POMGNT2: variants seen among roughly 807,000 people sequenced by gnomAD.
POMGNT2 encodes the protein protein O-linked-mannose beta-1,4-N-acetylglucosaminyltransferase 2.
Under a neutral mutation model 37.8 loss-of-function variants are expected in POMGNT2, and 32 were observed. That is an observed-to-expected ratio of 0.85 (90% CI 0.64 to 1.14). The LOEUF (loss-of-function observed/expected upper bound fraction) is 1.14. POMGNT2 is among the 50% of genes most tolerant of loss of function. The pLI, the probability that POMGNT2 is intolerant of heterozygous loss-of-function variation, is 0.00. For missense variants in POMGNT2, 705 were observed against 780.6 expected, an observed-to-expected ratio of 0.90 and a Z score of 1.15; for synonymous variants, 340 against 336.8, an observed-to-expected ratio of 1.01 and a Z score of -0.10.
At chr3:43,088,387 A>T (rs1187847994) in intron 1 of POMGNT2, among the ~76,000 whole-genome samples, 2 of 152,168 alleles carry the variant, frequency 1.3e-5, no homozygotes, top group Non-Finnish European at 2.9e-5. Context: ...TCAGTCGCCA[A>T]CCCTCTGCTT....
intron 1 of POMGNT2, among the ~76,000 whole-genome samples, chr3:43,097,253 T>G (rs1013933315): frequency 6.6e-6 from 1 of 152,118 alleles, no homozygotes; most frequent in African/African-American, 2.4e-5. Context: ...AAGCTGAGGG[T>G]GGGCTGTGTG....
rs2090056222 is a variant in POMGNT2, at chr3:43,105,911, C to T, written c.-181G>A. 1 of 151,984 alleles carries T rather than the reference C, an allele frequency of 6.6e-6. No individual in the cohort carries two copies. The highest frequency in any genetic ancestry group is 2.4e-5 in the African/African-American group (1 of 41,402). 9.4% of individuals were successfully genotyped at this position (151,984 alleles called of 1,614,324 possible). On this transcript the variant is annotated 5_prime_UTR_variant, in exon 1 of 2. Coordinates refer to ENST00000344697, the MANE Select transcript of POMGNT2 (RefSeq NM_032806.6). Reference sequence around the variant, plus strand: ...AGGCCCCACGGCGGCGCCGCTTTCCCACCCCGCCGCCGCCCCCAGCGCCAG... The same window carrying T: ...AGGCCCCACGGCGGCGCCGCTTTCCTACCCCGCCGCCGCCCCCAGCGCCAG...
In POMGNT2 at chr3:43,082,548, T is replaced by G. The variant is rs536845787; in HGVS notation, c.-105-1012A>C. ...GAGAGGCCTGGCTAGGGGTAAGCAT[T>G]TACTCCCTCTTCTTGCGATATTGTG... On this transcript the variant is annotated intron_variant, in intron 1 of 1. Transcript: ENST00000344697. Among the ~76,000 whole-genome samples, 5 of 152,266 alleles carry G rather than the reference T, an allele frequency of 3.3e-5. No individual in the cohort carries two copies. The South Asian group carries it at 1.0e-3, about 32-fold the overall frequency.
chr3:43,091,901 T>C (rs2089946611), intron 1 of POMGNT2, among the ~76,000 whole-genome samples: 1 of 152,190 alleles, frequency 6.6e-6, no homozygotes, highest in Non-Finnish European at 1.5e-5. Context: ...ATAGAGAAAA[T>C]CTTAAACCCA....
At position 43,081,115 on chromosome 3, in the gene POMGNT2, T is replaced by C. The variant is rs1272257942; in HGVS notation, c.317A>G (p.Asn106Ser). ...TGGCTGGAAGCGCCGGGAGCCCAGG[T>C]TGGGCAGCATGACAGAGGTGTTGCC... is the stretch of plus-strand genomic sequence containing the variant. Reference protein sequence around the residue: ...FHGNTSVMLPNLGSRRFQPAL... With the variant: ...FHGNTSVMLPSLGSRRFQPAL... The change falls in exon 2 of 2, where the codon AAC becomes AGC. Residue 106 changes from asparagine (N) to serine (S), a missense_variant. Asn to Ser is a conservative substitution (Grantham distance 46). Transcript: ENST00000344697. 4 of 1,614,056 alleles carry C rather than the reference T, an allele frequency of 2.5e-6. No homozygotes were observed. Among genetic ancestry groups the C allele is most frequent in the Non-Finnish European group, 2.5e-6 (3 of 1,180,036 alleles).
At chr3:43,089,453 G>A (rs1166171510) in intron 1 of POMGNT2, among the ~76,000 whole-genome samples, 1 of 152,206 alleles carries the variant, frequency 6.6e-6, no homozygotes, top group Non-Finnish European at 1.5e-5. Flanking sequence ...ATCAGCTGAG[G>A]GTGTGATGCC....
intron 1 of POMGNT2, among the ~76,000 whole-genome samples, chr3:43,104,696 T>C (rs2090044589): frequency 6.6e-6 from 1 of 152,168 alleles, no homozygotes; most frequent in East Asian, 1.9e-4. Context: ...CTAGTACCAT[T>C]AAAGATGAAC....
rs1221470140 is a variant in POMGNT2, at chr3:43,102,933, T to C, written c.-106+2903A>G. Among the ~76,000 whole-genome samples the C allele has an allele frequency of 2.0e-5, 3 of 152,086 alleles. No homozygotes were observed. In the East Asian group the frequency reaches 5.8e-4, roughly 29 times the overall value. On this transcript the variant is annotated intron_variant, in intron 1 of 1. Coordinates refer to ENST00000344697, the MANE Select transcript of POMGNT2 (RefSeq NM_032806.6). ...GAACCACAGGCCCTGGACTGTAACT[T>C]AGCAACCCAAGGCTTCTTGCTGTAA...
At chr3:43,104,497 G>A (rs2090042997) in intron 1 of POMGNT2, among the ~76,000 whole-genome samples, 1 of 152,180 alleles carries the variant, frequency 6.6e-6, no homozygotes. Flanking sequence ...CCTCCTTTCT[G>A]CTGAAGATCT....
At chr3:43,082,530 C>T (rs536386049) in intron 1 of POMGNT2, among the ~76,000 whole-genome samples, 1 of 152,324 alleles carries the variant, frequency 6.6e-6, no homozygotes, top group South Asian at 2.1e-4. Flanking sequence ...ACAGAGAGGC[C>T]TGGCTAGGGG....
chr3:43,099,713 G>A (rs1256538469), intron 1 of POMGNT2, among the ~76,000 whole-genome samples: 2 of 152,034 alleles, frequency 1.3e-5, no homozygotes, highest in African/African-American at 4.8e-5. Flanking sequence ...GCAGGGTGAC[G>A]CTTTATGGCA....
Position 43,080,926 on chromosome 3 carries a change from T to C in POMGNT2, c.506A>G (p.His169Arg), listed in dbSNP as rs755647568. Residue 169 changes from histidine (H) to arginine (R), a missense_variant, in exon 2 of 2, where the codon CAT (histidine) becomes CGT (arginine). By Grantham distance (29) the His-to-Arg change is conservative. Transcript: ENST00000344697. ...FNPDNLMHVF[H>R]DDLLPLFYTL... is the part of the protein sequence containing the mutation. Reference sequence around the variant, plus strand: ...GTAGAAGAGTGGCAGCAGGTCGTCATGAAAGACGTGCATGAGGTTGTCGGG... The same window carrying C: ...GTAGAAGAGTGGCAGCAGGTCGTCACGAAAGACGTGCATGAGGTTGTCGGG... 1.2e-6 allele frequency: 2 copies of C among 1,614,132 alleles called. No individual in the cohort carries two copies. The highest frequency in any genetic ancestry group is 1.7e-6 in the Non-Finnish European group (2 of 1,180,020).
At position 43,098,269 on chromosome 3, in the gene POMGNT2, TTTG is replaced by T. The variant is rs759919714; in HGVS notation, c.-106+7564_-106+7566del. The stretch of plus-strand genomic sequence containing the variant: ...GTGGAAGCTTTCAGTCCTGTATTGA[TTTG>T]TTGTCTTACATGTTGTAAATTAGTA... On this transcript the variant is annotated intron_variant, in intron 1 of 1. Coordinates refer to ENST00000344697, the MANE Select transcript of POMGNT2 (RefSeq NM_032806.6). This position sits in a 1 kb window ranked among gnomAD's most constrained non-coding sequence, Gnocchi z 4.3. 5.9e-5 allele frequency among the ~76,000 whole-genome samples: 9 copies of T among 152,192 alleles called. No individual in the cohort carries two copies. The highest frequency in any genetic ancestry group is 1.0e-4 in the Non-Finnish European group (7 of 68,034).
chr3:43,092,973 A>G (rs2125708277), intron 1 of POMGNT2, among the ~76,000 whole-genome samples: 1 of 152,360 alleles, frequency 6.6e-6, no homozygotes, highest in South Asian at 2.1e-4. Context: ...TTCCAACAGA[A>G]GCTAAAGCCA....
chr3:43,080,199 CT>C lies in POMGNT2; in HGVS notation c.1232del (p.Gln411ArgfsTer55), dbSNP rs755487513. ...CCCGGTCCAGATGGGTGATGCCCCC[CT>C]GATCCCAGGGCCGCTCAGGGTGTGT... The part of the protein sequence containing the change: ...TVTHPERPWD[Q>X]GGITHLDRAE... On this transcript the variant is annotated frameshift_variant, in exon 2 of 2. Coordinates refer to ENST00000344697, the MANE Select transcript of POMGNT2 (RefSeq NM_032806.6). LOFTEE classifies it high-confidence loss of function. 1.1e-5 allele frequency: 17 copies of C among 1,613,870 alleles called. No homozygotes were observed. The highest frequency in any genetic ancestry group is 8.3e-5 in the Admixed American group (5 of 60,016).
intron 1 of POMGNT2, among the ~76,000 whole-genome samples, chr3:43,100,656 C>T (rs922194695): frequency 6.6e-6 from 1 of 152,144 alleles, no homozygotes; most frequent in Non-Finnish European, 1.5e-5. Context: ...TTATTATTAA[C>T]ATATGGTTTC....
At chr3:43,099,351 G>A (rs1205254743) in intron 1 of POMGNT2, among the ~76,000 whole-genome samples, 1 of 152,194 alleles carries the variant, frequency 6.6e-6, no homozygotes, top group African/African-American at 2.4e-5. Flanking sequence ...TTTTGAGCAA[G>A]TTTTTGGAGG....
intron 1 of POMGNT2, chr3:43,087,557 C>G (rs1332306345): frequency 6.6e-6 from 1 of 152,454 alleles, no homozygotes; most frequent in Non-Finnish European, 1.5e-5. Flanking sequence ...TCCACTTCGC[C>G]ATCCACCTGC....
Position 43,080,106 on chromosome 3 carries a change from C to T in POMGNT2, c.1326G>A (p.Trp442Ter), listed in dbSNP as rs2125699699. The change falls in exon 2 of 2, where the codon TGG becomes TGA. Residue 442 changes from tryptophan to a stop codon, truncating the protein, a stop_gained. Transcript: ENST00000344697. LOFTEE classifies it high-confidence loss of function. ...TGGTGTCCTGGTAGATTCGGAAGAG[C>T]CACTCGGGGTTCCGGCAACAGAGAT... is the stretch of plus-strand genomic sequence containing the variant. ...PRHLCCRNPEWLFRIYQDTKV... is the reference protein window; with the variant it reads ...PRHLCCRNPE 2 of 1,613,854 alleles carry T rather than the reference C, an allele frequency of 1.2e-6. No homozygotes were observed. Among genetic ancestry groups the T allele is most frequent in the Non-Finnish European group, 1.7e-6 (2 of 1,179,982 alleles).
Sources: allele counts gnomAD v4.1 joint callset (sites outside exome capture counted in the v4.1 genomes callset), GRCh38; gene constraint gnomAD v4.1.1; non-coding constraint Gnocchi (gnomAD v3.1); transcripts MANE v1.5; gene names NCBI Gene and HGNC (gene_info 2026-07-23, HGNC 2026-07-21).